INTS4: variants seen among roughly 807,000 people sequenced by gnomAD.
INTS4 encodes MSTP093.
Under a neutral mutation model 119.5 loss-of-function variants are expected in INTS4, and 70 were observed. That is an observed-to-expected ratio of 0.59 (90% CI 0.48 to 0.71). INTS4 has a LOEUF of 0.71. Ranked by LOEUF, INTS4 falls within the 30% of genes least tolerant of loss-of-function variation. The pLI is 0.00. For missense variants in INTS4, 867 were observed against 1,173.2 expected (o/e 0.74, Z 3.81); for synonymous variants, 316 against 419.6 (o/e 0.75, Z 3.02).
intron 14 of INTS4, among the ~76,000 whole-genome samples, chr11:77,921,119 C>T (rs1953350745): frequency 1.3e-5 from 2 of 151,992 alleles, no homozygotes; most frequent in South Asian, 4.1e-4. Context: ...TTAATAACCA[C>T]AAAGCACAAA....
intron 10 of INTS4, among the ~76,000 whole-genome samples, chr11:77,936,604 C>A (rs1953797720): frequency 2.6e-5 from 4 of 152,164 alleles, no homozygotes; most frequent in Admixed American, 2.6e-4. Flanking sequence ...ATGGAAAAAA[C>A]CCAAATTCTA....
chr11:77,917,273 T>A (rs1187008559), intron 15 of INTS4, among the ~76,000 whole-genome samples: 4 of 151,970 alleles, frequency 2.6e-5, no homozygotes, highest in African/African-American at 9.7e-5. Flanking sequence ...TCAAAAGAGA[T>A]CTCAACTAAG....
chr11:77,962,758 C>G (rs1288956433), intron 4 of INTS4, among the ~76,000 whole-genome samples: 1 of 151,664 alleles, frequency 6.6e-6, no homozygotes, highest in African/African-American at 2.4e-5. Flanking sequence ...ACATTACCCA[C>G]TAATGGATAA....
rs542250703 is a variant in INTS4, at chr11:77,941,318, G to A, written c.919-67C>T. The A allele has an allele frequency of 9.3e-5, 146 of 1,571,390 alleles. No homozygotes were observed. The African/African-American group carries it at 1.6e-3, about 18-fold the overall frequency. On this transcript the variant is annotated intron_variant, in intron 8 of 22. Transcript: ENST00000534064. ...GATTTGAACATTATCTTAAAATTCA[G>A]AGTCTATAGACAATTTAAGTGCATA... is the stretch of plus-strand genomic sequence containing the variant.
At chr11:77,964,557 G>C (rs538042435) in intron 4 of INTS4, among the ~76,000 whole-genome samples, 162 of 148,198 alleles carry the variant, frequency 1.1e-3, no homozygotes, top group Non-Finnish European at 1.9e-3. Context: ...CTGTGTGACA[G>C]AGCGAGACTC....
At chr11:77,949,921 T>C (rs1195613580) in intron 8 of INTS4, among the ~76,000 whole-genome samples, 4 of 152,204 alleles carry the variant, frequency 2.6e-5, no homozygotes, top group Non-Finnish European at 4.4e-5. Context: ...TGCACACGTA[T>C]GTTTATTGCA....
intron 22 of INTS4, among the ~76,000 whole-genome samples, chr11:77,882,247 C>T (rs1175561320): frequency 6.6e-6 from 1 of 152,044 alleles, no homozygotes; most frequent in African/African-American, 2.4e-5. Context: ...GGCTCAGGAT[C>T]GCCTGGCAAT....
chr11:77,905,036 G>T (rs1952902244), intron 16 of INTS4, among the ~76,000 whole-genome samples: 2 of 152,170 alleles, frequency 1.3e-5, no homozygotes, highest in Non-Finnish European at 2.9e-5. Context: ...CACATTGAGG[G>T]TGTGTCTATG....
intron 8 of INTS4, among the ~76,000 whole-genome samples, chr11:77,941,861 C>T (rs1953937121): frequency 6.6e-6 from 1 of 151,986 alleles, no homozygotes; most frequent in Non-Finnish European, 1.5e-5. Flanking sequence ...TCATTTAAAT[C>T]CTCACTATAA....
chr11:77,993,256 A>G (rs1856770560), intron 1 of INTS4, among the ~76,000 whole-genome samples: 1 of 152,224 alleles, frequency 6.6e-6, no homozygotes, highest in East Asian at 1.9e-4. Flanking sequence ...CTGAACAAAA[A>G]GTACAAATAG....
chr11:77,975,724 G>A lies in INTS4; in HGVS notation c.471+3272C>T, dbSNP rs528917768. Among the ~76,000 whole-genome samples, 69 of 152,100 alleles carry A rather than the reference G, an allele frequency of 4.5e-4. 1 individual carries two copies. Among genetic ancestry groups the A allele is most frequent in the Non-Finnish European group, 1.3e-4 (9 of 67,972 alleles). ...TGTAATCCCAGCACTTTGGGAGGCCGAGGCGGGCGGATCATGAGGTCAGGA... is the reference window on the plus strand; with the variant it reads ...TGTAATCCCAGCACTTTGGGAGGCCAAGGCGGGCGGATCATGAGGTCAGGA... On this transcript the variant is annotated intron_variant, in intron 4 of 22. Transcript: ENST00000534064.
At chr11:77,907,468 T>C (rs1952984465) in intron 16 of INTS4, among the ~76,000 whole-genome samples, 3 of 152,180 alleles carry the variant, frequency 2.0e-5, no homozygotes, top group Admixed American at 2.0e-4. Flanking sequence ...GGATTCTAAC[T>C]AAAATGATTA....
chr11:77,963,798 C>A (rs1855359264), intron 4 of INTS4, among the ~76,000 whole-genome samples: 1 of 152,166 alleles, frequency 6.6e-6, no homozygotes, highest in Admixed American at 6.5e-5. Flanking sequence ...ATACTCCCAC[C>A]TCAGTCTCCT....
chr11:77,891,431 G>A lies in INTS4; in HGVS notation c.2480C>T (p.Pro827Leu). 6.2e-7 allele frequency: 1 copy of A among 1,613,776 alleles called. No individual in the cohort carries two copies. Among genetic ancestry groups the A allele is most frequent in the South Asian group, 1.1e-5 (1 of 90,986 alleles). Reference protein sequence around the residue: ...IHKASATIIEPAGESDNPLRF... With the variant: ...IHKASATIIELAGESDNPLRF... ...CAAAGGGTTGTCTGACTCGCCCGCT[G>A]GCTCGATGATGGTGGCTGAGGCTTT... Residue 827 changes from proline to leucine, a missense_variant, in exon 21 of 23, where the codon CCA becomes CTA. Coordinates refer to ENST00000534064, the MANE Select transcript of INTS4 (RefSeq NM_033547.4).
At chr11:77,892,548 G>A (rs1034737023) in intron 19 of INTS4, among the ~76,000 whole-genome samples, 10 of 152,126 alleles carry the variant, frequency 6.6e-5, no homozygotes, top group Non-Finnish European at 1.0e-4. Context: ...GCAAAAGTAA[G>A]GCATGAACTT....
intron 4 of INTS4, among the ~76,000 whole-genome samples, chr11:77,964,315 C>A (rs1048704273): frequency 6.6e-6 from 1 of 152,052 alleles, no homozygotes; most frequent in Admixed American, 6.6e-5. Context: ...CACCTGTAAT[C>A]CTAGCACTTT....
intron 18 of INTS4, chr11:77,900,868 T>C: frequency 2.0e-6 from 1 of 503,166 alleles, no homozygotes; most frequent in Admixed American, 3.6e-5. Flanking sequence ...TGTTTTTACA[T>C]GTATTATCTC....
At chr11:77,983,569 CA>C (rs770349294) in intron 2 of INTS4, among the ~76,000 whole-genome samples, 28 of 152,230 alleles carry the variant, frequency 1.8e-4, no homozygotes, top group Non-Finnish European at 3.7e-4. Context: ...GCCAAATAAA[CA>C]CATGAAAAGA....
At chr11:77,908,398 G>C (rs1278198464) in intron 15 of INTS4, among the ~76,000 whole-genome samples, 1 of 149,834 alleles carries the variant, frequency 6.7e-6, no homozygotes, top group South Asian at 2.1e-4. Context: ...GCGTGATCTC[G>C]ACTCACTGCA....
Sources: allele counts gnomAD v4.1 joint callset (sites outside exome capture counted in the v4.1 genomes callset), GRCh38; gene constraint gnomAD v4.1.1; transcripts MANE v1.5; gene names NCBI Gene and HGNC (gene_info 2026-07-23, HGNC 2026-07-21).